Variants in HPSE2 observed in about 807,000 individuals in gnomAD.
HPSE2 encodes the protein heparanase 2 (inactive).
In HPSE2, 38 loss-of-function variants were observed where a neutral mutation model predicts 60.5. That is an observed-to-expected ratio of 0.63 (90% confidence interval 0.48 to 0.82). HPSE2 has a LOEUF of 0.82. HPSE2 is among the 40% of genes least tolerant of loss of function. The pLI is 0.00. For synonymous variants in HPSE2, 295 were observed against 293.2 expected, an observed-to-expected ratio of 1.01 and a Z score of -0.06; for missense variants, 713 against 740.4, an observed-to-expected ratio of 0.96 and a Z score of 0.43.
At chr10:98,937,193 G>A (rs1490324005) in intron 3 of HPSE2, among the ~76,000 whole-genome samples, 2 of 143,768 alleles carry the variant, frequency 1.4e-5, no homozygotes, top group Non-Finnish European at 3.0e-5. Context: ...TTCCATCTGA[G>A]GTACCAGGTT....
chr10:99,232,522 T>C lies in HPSE2; in HGVS notation c.291-17A>G. On this transcript the variant is annotated splice_polypyrimidine_tract_variant and intron_variant, in intron 1 of 11. Coordinates refer to ENST00000370552, the MANE Select transcript of HPSE2 (RefSeq NM_021828.5). ...CGCTTGGAGCTGCAGAGGAAGAGAA[T>C]AAGAGAGGAAAGGTTCCCAGGACAG... The C allele has an allele frequency of 6.4e-7, 1 of 1,550,422 alleles. No individual in the cohort carries two copies. Among genetic ancestry groups the C allele is most frequent in the Non-Finnish European group, 8.7e-7 (1 of 1,147,324 alleles).
intron 9 of HPSE2, among the ~76,000 whole-genome samples, chr10:98,612,144 C>A (rs556186998): frequency 9.2e-5 from 14 of 152,316 alleles, no homozygotes; most frequent in African/African-American, 3.1e-4. Context: ...CTTTTTCCAG[C>A]CTGTTTTCTT....
intron 3 of HPSE2, among the ~76,000 whole-genome samples, chr10:99,053,894 A>AT (rs764231635): frequency 0.015 from 2,076 of 142,288 alleles, 43 homozygotes; most frequent in East Asian, 0.11. Flanking sequence ...CGCCCAGATA[A>AT]TTTTTTTTTT....
intron 3 of HPSE2, among the ~76,000 whole-genome samples, chr10:99,055,306 C>A (rs992722589): frequency 2.0e-5 from 3 of 151,928 alleles, no homozygotes; most frequent in Non-Finnish European, 2.9e-5. Context: ...AATACACATA[C>A]AAGGGACCAA....
chr10:98,625,053 C>CT (rs1946171272), intron 7 of HPSE2, among the ~76,000 whole-genome samples: 1 of 152,236 alleles, frequency 6.6e-6, no homozygotes, highest in Non-Finnish European at 1.5e-5. Flanking sequence ...TTTGTATTTA[C>CT]TTCCTATCAG....
At chr10:99,028,637 T>G (rs1412745140) in intron 3 of HPSE2, among the ~76,000 whole-genome samples, 1 of 152,082 alleles carries the variant, frequency 6.6e-6, no homozygotes, top group Non-Finnish European at 1.5e-5. Context: ...AAAACAATCC[T>G]AAAATGTATA....
intron 3 of HPSE2, among the ~76,000 whole-genome samples, chr10:98,853,349 G>C (rs1377252730): frequency 6.6e-6 from 1 of 152,186 alleles, no homozygotes; most frequent in African/African-American, 2.4e-5. Context: ...GAGAAGGAAA[G>C]TGCTTCAGCA....
intron 2 of HPSE2, among the ~76,000 whole-genome samples, chr10:99,146,211 T>C (rs1846046670): frequency 6.6e-6 from 1 of 152,218 alleles, no homozygotes; most frequent in Non-Finnish European, 1.5e-5. Context: ...CATCATCTCA[T>C]TGGATCCTTC....
chr10:98,926,755 T>C (rs752068714), intron 3 of HPSE2, among the ~76,000 whole-genome samples: 1 of 152,230 alleles, frequency 6.6e-6, no homozygotes, highest in African/African-American at 2.4e-5. Flanking sequence ...AAAGTTGTGA[T>C]ACATCTTGTC....
intron 6 of HPSE2, among the ~76,000 whole-genome samples, chr10:98,678,524 T>C (rs1337894557): frequency 6.6e-6 from 1 of 152,098 alleles, no homozygotes. Context: ...GTGTGCTCCA[T>C]GGAGTTTAAG....
chr10:99,050,110 G>A (rs1375177284), intron 3 of HPSE2, among the ~76,000 whole-genome samples: 4 of 152,278 alleles, frequency 2.6e-5, no homozygotes, highest in African/African-American at 9.6e-5. Context: ...ACCAGCCTGA[G>A]CAACATAGTG....
chr10:99,285,534 A>T, the HPSE2 span, among the ~76,000 whole-genome samples: 1 of 33,908 alleles, frequency 2.9e-5, no homozygotes, highest in Non-Finnish European at 5.5e-5. Flanking sequence ...GGAGGGAGGG[A>T]GGGGAGGAAG....
intron 3 of HPSE2, among the ~76,000 whole-genome samples, chr10:98,907,631 T>C (rs1953860426): frequency 6.6e-6 from 1 of 152,170 alleles, no homozygotes; most frequent in Admixed American, 6.5e-5. Flanking sequence ...GGAGGCATGA[T>C]GGTATAGTAG....
At chr10:99,053,596 A>G (rs1452913765) in intron 3 of HPSE2, among the ~76,000 whole-genome samples, 1 of 151,830 alleles carries the variant, frequency 6.6e-6, no homozygotes, top group Non-Finnish European at 1.5e-5. Context: ...TGCTGAAACC[A>G]TTTTCAGGGA....
chr10:98,935,229 A>G (rs762442013), intron 3 of HPSE2, among the ~76,000 whole-genome samples: 1 of 142,716 alleles, frequency 7.0e-6, no homozygotes, highest in Non-Finnish European at 1.5e-5. Flanking sequence ...GGGTTAGAAT[A>G]TAATCCTTTA....
intron 3 of HPSE2, among the ~76,000 whole-genome samples, chr10:99,051,077 A>G (rs1957980366): frequency 1.3e-5 from 2 of 152,062 alleles, no homozygotes; most frequent in South Asian, 4.1e-4. Flanking sequence ...AGTGAAAAAA[A>G]TATATATCAC....
chr10:99,124,266 T>C (rs1400599125), intron 3 of HPSE2, among the ~76,000 whole-genome samples: 1 of 152,144 alleles, frequency 6.6e-6, no homozygotes, highest in Non-Finnish European at 1.5e-5. Context: ...ACTGATTTGG[T>C]CCATGGGTGG....
chr10:99,212,105 A>G (rs925509798), intron 2 of HPSE2, among the ~76,000 whole-genome samples: 3 of 152,206 alleles, frequency 2.0e-5, no homozygotes, highest in Non-Finnish European at 4.4e-5. Context: ...TATCAGGGAA[A>G]TGCAAATTAA....
chr10:98,686,958 T>A (rs1481363881), intron 6 of HPSE2, among the ~76,000 whole-genome samples: 1 of 152,232 alleles, frequency 6.6e-6, no homozygotes, highest in African/African-American at 2.4e-5. Context: ...ATCTGCTATA[T>A]CCTTACTGTA....
Sources: allele counts gnomAD v4.1 joint callset (sites outside exome capture counted in the v4.1 genomes callset), GRCh38; gene constraint gnomAD v4.1.1; transcripts MANE v1.5; gene names NCBI Gene and HGNC (gene_info 2026-07-23, HGNC 2026-07-21).